The following CCSER1 variants were observed in gnomAD, a reference collection of about 807,000 sequenced individuals.
CCSER1 encodes serine-rich coiled-coil domain-containing protein 1.
CCSER1 carries 41 observed loss-of-function variants against 82.0 expected under a neutral mutation model. The ratio of observed to expected loss-of-function variants is 0.50; its 90% confidence interval spans 0.39 to 0.65. The LOEUF is 0.65. Ranked by LOEUF, CCSER1 falls within the 30% of genes least tolerant of loss-of-function variation. The pLI is 0.00. For synonymous variants in CCSER1, 414 were observed against 383.9 expected (o/e 1.08, Z -0.92); for missense variants, 1,119 against 1,064.2 (o/e 1.05, Z -0.72).
chr4:90,619,218 A>G (rs1409282427), intron 5 of CCSER1, among the ~76,000 whole-genome samples: 5 of 151,976 alleles, frequency 3.3e-5, no homozygotes, highest in Non-Finnish European at 1.5e-5. Context: ...TATTCCTCAG[A>G]TGAGATTTTG....
In CCSER1 at chr4:91,100,908, AAAAT is replaced by A. The variant is rs1724995351; in HGVS notation, c.2217+14917_2217+14920del. 2.0e-5 allele frequency among the ~76,000 whole-genome samples: 3 copies of A among 152,206 alleles called. No homozygotes were observed. In the South Asian group the frequency reaches 6.2e-4, roughly 32 times the overall value. ...CACAGTAGTGTCTCAAATGGGGAAA[AAAAT>A]AACAGTACACTCAGTTTAACTTTTT... On this transcript the variant is annotated intron_variant, in intron 10 of 10. Coordinates refer to ENST00000509176, the MANE Select transcript of CCSER1 (RefSeq NM_001145065.2).
intron 10 of CCSER1, among the ~76,000 whole-genome samples, chr4:91,260,618 C>T (rs1741034861): frequency 6.6e-6 from 1 of 152,028 alleles, no homozygotes; most frequent in Admixed American, 6.6e-5. Flanking sequence ...CGCTGTTGTT[C>T]GTGGTTCTAT....
At chr4:90,315,678 A>G (rs1736048971) in intron 3 of CCSER1, among the ~76,000 whole-genome samples, 1 of 151,682 alleles carries the variant, frequency 6.6e-6, no homozygotes, top group Non-Finnish European at 1.5e-5. Context: ...TAATTTTTGT[A>G]TTTTTAGTAG....
intron 10 of CCSER1, among the ~76,000 whole-genome samples, chr4:91,528,775 T>G (rs957352397): frequency 6.6e-6 from 1 of 152,150 alleles, no homozygotes; most frequent in Non-Finnish European, 1.5e-5. Flanking sequence ...CTGTTTACTT[T>G]GCTCAGGATT....
chr4:90,837,089 T>A (rs1472084538), intron 8 of CCSER1, among the ~76,000 whole-genome samples: 2 of 152,100 alleles, frequency 1.3e-5, no homozygotes, highest in African/African-American at 4.8e-5. Context: ...TAAGAAGCAA[T>A]CAAAGCATAT....
rs572387138 is a variant in CCSER1 at position 90,846,413 on chromosome 4, C to T, written c.2094+30568C>T. 9.2e-5 allele frequency among the ~76,000 whole-genome samples: 14 copies of T among 152,172 alleles called. 1 individual carries two copies. The South Asian group carries it at 2.9e-3, about 32-fold the overall frequency. On this transcript the variant is annotated intron_variant, in intron 8 of 10. Transcript: ENST00000509176. ...GAGATCTATTTAATATTGTTATAGA[C>T]ACCTGCCCATCATAATGATTAAATT...
chr4:91,083,171 T>A (rs1030642447), intron 9 of CCSER1, among the ~76,000 whole-genome samples: 14 of 152,260 alleles, frequency 9.2e-5, no homozygotes, highest in East Asian at 7.7e-4. Context: ...CAAATGTCCA[T>A]CAATGATAGA....
At chr4:90,858,953 T>C (rs1168071619) in intron 8 of CCSER1, among the ~76,000 whole-genome samples, 1 of 151,902 alleles carries the variant, frequency 6.6e-6, no homozygotes, top group Non-Finnish European at 1.5e-5. Context: ...AAAAATGACC[T>C]AGAGGTCAAA....
chr4:91,573,993 T>A (rs1340921562), intron 10 of CCSER1, among the ~76,000 whole-genome samples: 1 of 152,048 alleles, frequency 6.6e-6, no homozygotes, highest in Non-Finnish European at 1.5e-5. Flanking sequence ...CATAAAACAT[T>A]GATGAGAGAA....
intron 1 of CCSER1, among the ~76,000 whole-genome samples, chr4:90,216,993 T>A (rs1288165624): frequency 6.6e-6 from 1 of 152,210 alleles, no homozygotes; most frequent in Admixed American, 6.5e-5. Flanking sequence ...TGTAGTGATC[T>A]TTTACGTCCT....
chr4:90,738,241 A>G (rs1180355431), intron 7 of CCSER1, among the ~76,000 whole-genome samples: 1 of 152,026 alleles, frequency 6.6e-6, no homozygotes, highest in African/African-American at 2.4e-5. Context: ...TTTTGAACCC[A>G]TCCTTCTTAG....
chr4:91,329,083 A>C (rs1487674924), intron 10 of CCSER1, among the ~76,000 whole-genome samples: 2 of 152,172 alleles, frequency 1.3e-5, no homozygotes, highest in Non-Finnish European at 1.5e-5. Context: ...ACCCAGTCTC[A>C]GTTTTATCTT....
chr4:90,279,212 AACTT>A (rs1444961009), intron 1 of CCSER1, among the ~76,000 whole-genome samples: 1 of 152,034 alleles, frequency 6.6e-6, no homozygotes, highest in Non-Finnish European at 1.5e-5. Flanking sequence ...GAATGTATAA[AACTT>A]AATTAATATA....
At chr4:91,223,104 T>G (rs953885319) in intron 10 of CCSER1, among the ~76,000 whole-genome samples, 2 of 152,046 alleles carry the variant, frequency 1.3e-5, no homozygotes, top group African/African-American at 4.8e-5. Context: ...TTAAAAAAAT[T>G]CAAATTATGC....
chr4:91,223,921 T>G (rs1737946818), intron 10 of CCSER1, among the ~76,000 whole-genome samples: 1 of 152,136 alleles, frequency 6.6e-6, no homozygotes, highest in African/African-American at 2.4e-5. Flanking sequence ...AGTTCATCCT[T>G]TCAAAAATGA....
At position 91,598,940 on chromosome 4, in the gene CCSER1, G is replaced by A. The variant is rs750307972; in HGVS notation, c.2586G>A (p.Arg862=). 303 of 1,551,440 alleles carry A rather than the reference G, an allele frequency of 2.0e-4. No individual in the cohort carries two copies. The highest frequency in any genetic ancestry group is 2.4e-4 in the Non-Finnish European group (276 of 1,146,916). ...GACAGCATTCGACCTTTACAGGCAGGTTTGGACAGCCACCCAGAGGGCCAA... is the reference window on the plus strand; with the variant it reads ...GACAGCATTCGACCTTTACAGGCAGATTTGGACAGCCACCCAGAGGGCCAA... ...TARQHSTFTG[R]FGQPPRGPIS... is the part of the protein sequence containing the mutation. The change falls in exon 11 of 11, where the codon AGG becomes AGA. Residue 862 remains arginine, a synonymous_variant. Transcript: ENST00000509176.
intron 5 of CCSER1, among the ~76,000 whole-genome samples, chr4:90,511,723 A>C (rs1771543797): frequency 6.6e-6 from 1 of 152,202 alleles, no homozygotes; most frequent in Non-Finnish European, 1.5e-5. Context: ...TATGTGCTTC[A>C]AGTAATAACG....
chr4:91,203,922 G>GTTTTTT (rs1252830828), intron 10 of CCSER1, among the ~76,000 whole-genome samples: 2 of 151,980 alleles, frequency 1.3e-5, no homozygotes, highest in Admixed American at 1.3e-4. Flanking sequence ...TAGAATATAT[G>GTTTTTT]TTTATGAAGT....
intron 10 of CCSER1, among the ~76,000 whole-genome samples, chr4:91,091,640 G>C (rs1435181239): frequency 6.6e-6 from 1 of 152,162 alleles, no homozygotes; most frequent in African/African-American, 2.4e-5. Context: ...TCCTCCTCAG[G>C]GTTACTTTGC....
Sources: allele counts gnomAD v4.1 joint callset (sites outside exome capture counted in the v4.1 genomes callset), GRCh38; gene constraint gnomAD v4.1.1; transcripts MANE v1.5; gene names NCBI Gene and HGNC (gene_info 2026-07-23, HGNC 2026-07-21).